RYR1: variants seen among roughly 807,000 people sequenced by gnomAD.
RYR1 encodes the protein ryanodine receptor 1, also known as central core disease of muscle.
RYR1 carries 342 observed loss-of-function variants against 583.5 expected under a neutral mutation model. The ratio of observed to expected loss-of-function variants is 0.59; its 90% CI spans 0.54 to 0.64. The LOEUF (loss-of-function observed/expected upper bound fraction) is 0.64. Ranked by LOEUF, RYR1 falls within the 30% of genes least tolerant of loss-of-function variation. The pLI is 0.00. For synonymous variants in RYR1, 2,791 were observed against 2,822.5 expected, an observed-to-expected ratio of 0.99 and a Z score of 0.35; for missense variants, 6,032 against 6,917.2, an observed-to-expected ratio of 0.87 and a Z score of 4.54.
At chr19:38,573,399 G>C in intron 96 of RYR1, 92 bp downstream of exon 96, 1 of 1,507,364 alleles carries the variant, frequency 6.6e-7, no homozygotes, top group South Asian at 1.2e-5. Flanking sequence ...CTAGGGTTTC[G>C]GTCCGGGCAC....
rs3829976 is a variant in RYR1, at chr19:38,505,179, C to G, written c.8310+98C>G. ...AGGCCCCAGATCTCCCTGAGACCCCCCAGCCTTCCCTAAGACCCTTAGCTT... is the reference window on the plus strand; with the variant it reads ...AGGCCCCAGATCTCCCTGAGACCCCGCAGCCTTCCCTAAGACCCTTAGCTT... On this transcript the variant is annotated intron_variant, in intron 52 of 105. Coordinates refer to ENST00000359596, the MANE Select transcript of RYR1 (RefSeq NM_000540.3). 24,255 of 1,241,828 alleles carry G rather than the reference C, an allele frequency of 0.02. 458 individuals are homozygous for G. Among genetic ancestry groups the G allele is most frequent in the Admixed American group, 0.076 (4,160 of 55,084 alleles). The allele number at this position is 1,241,828 out of a possible 1,614,324, so 76.9% of individuals were successfully genotyped here.
At chr19:38,467,176 C>T (rs1214484944) in intron 24 of RYR1, among the ~76,000 whole-genome samples, 1 of 152,148 alleles carries the variant, frequency 6.6e-6, no homozygotes, top group Non-Finnish European at 1.5e-5. Context: ...AAACCCTGGC[C>T]ATGGTCCCCA....
chr19:38,437,369 G>C (rs1365365626), intron 1 of RYR1, among the ~76,000 whole-genome samples: 1 of 152,022 alleles, frequency 6.6e-6, no homozygotes, highest in Admixed American at 6.6e-5. Flanking sequence ...TTCTAATTCA[G>C]GAAAAGTTTG....
chr19:38,465,807 G>A (rs1309551572), intron 23 of RYR1, among the ~76,000 whole-genome samples: 1 of 152,250 alleles, frequency 6.6e-6, no homozygotes, highest in East Asian at 1.9e-4. Flanking sequence ...AGTTAGTGGT[G>A]AGAGGTCTGA....
At chr19:38,528,509 C>T (rs1971581914) in intron 74 of RYR1, 90 bp from the exon 75 acceptor site, 1 of 1,591,018 alleles carries the variant, frequency 6.3e-7, no homozygotes. Flanking sequence ...GTGATGGGGC[C>T]TTGAGGGTGG....
chr19:38,437,855 G>C (rs1396106772), intron 1 of RYR1, among the ~76,000 whole-genome samples: 1 of 151,578 alleles, frequency 6.6e-6, no homozygotes, highest in Admixed American at 6.6e-5. Flanking sequence ...GGGTGTGGTG[G>C]CATGAGCCTG....
At chr19:38,542,389 C>G (rs1388056556) in intron 84 of RYR1, among the ~76,000 whole-genome samples, 1 of 152,130 alleles carries the variant, frequency 6.6e-6, no homozygotes, top group East Asian at 1.9e-4. Context: ...GGAACTGAAT[C>G]TCTATTTCTC....
Position 38,466,223 on chromosome 19 carries a change from C to T in RYR1, c.3003C>T (p.Gly1001=). 6.2e-7 allele frequency: 1 copy of T among 1,613,424 alleles called. No individual in the cohort carries two copies. Among genetic ancestry groups the T allele is most frequent in the Non-Finnish European group, 8.5e-7 (1 of 1,179,952 alleles). The change falls in exon 24 of 106, where the codon GGC becomes GGT. Residue 1001 remains glycine, a synonymous_variant. Coordinates refer to ENST00000359596, the MANE Select transcript of RYR1 (RefSeq NM_000540.3). ...ACGTGTGGGCCCGAGACCGCGTGGG[C>T]CAGGGCTGGAGCTACAGCGCAGTGC... is the stretch of plus-strand genomic sequence containing the variant. ...GHNVWARDRV[G]QGWSYSAVQD...
chr19:38,585,640 A>T (rs947692701), intron 102 of RYR1, among the ~76,000 whole-genome samples: 1 of 151,012 alleles, frequency 6.6e-6, no homozygotes, highest in Admixed American at 6.6e-5. Context: ...CACCCAGCTA[A>T]TTTTTTTTAT....
At chr19:38,535,720 C>G in intron 81 of RYR1, 1 of 591,928 alleles carries the variant, frequency 1.7e-6, no homozygotes, top group Non-Finnish European at 3.0e-6. Flanking sequence ...TGCCTTTATT[C>G]ACCTCTTGCT....
Position 38,483,493 on chromosome 19 carries a change from G to C in RYR1, c.4911G>C (p.Ala1637=). Residue 1637 remains alanine (A), a synonymous_variant, in exon 33 of 106, where the codon GCG becomes GCC. Transcript: ENST00000359596. The surrounding 1 kb of genome is among the most constrained non-coding windows in gnomAD (Gnocchi z 6.3). ...GCCAGGAGCCGCTGACCATGATGGC[G>C]CTGCACATCCCCGAGGAGAACCGGT... The part of the protein sequence containing the change: ...VQCQEPLTMM[A]LHIPEENRCM... 1.3e-6 allele frequency: 2 copies of C among 1,555,224 alleles called. No individual in the cohort carries two copies. The highest frequency in any genetic ancestry group is 8.7e-7 in the Non-Finnish European group (1 of 1,153,924).
intron 20 of RYR1, among the ~76,000 whole-genome samples, chr19:38,463,151 C>CCCCCCCCCCCCCGCCCCCCCCCCCCG (rs1555772086): frequency 1.4e-5 from 1 of 69,782 alleles, no homozygotes; most frequent in African/African-American, 5.2e-5. Context: ...GCCCCCCCCC[C>CCCCCCCCCCCCCGCCCCCCCCCCCCG]CCCCACTTAG....
At chr19:38,443,910 G>T in intron 5 of RYR1, 114 bp downstream of exon 5, 1 of 1,002,940 alleles carries the variant, frequency 1.0e-6, no homozygotes, top group Non-Finnish European at 1.6e-6. Flanking sequence ...GACATGAATG[G>T]GGGCTTCGTA....
chr19:38,506,982 C>CT, intron 57 of RYR1, 30 bp downstream of exon 57: 3 of 1,611,958 alleles, frequency 1.9e-6, no homozygotes, highest in Non-Finnish European at 2.5e-6. Context: ...CGCGGAAGAG[C>CT]AGCAGGCAGA....
chr19:38,467,587 ACT>A, intron 24 of RYR1, 21 bp from the exon 25 acceptor site: 1 of 1,613,458 alleles, frequency 6.2e-7, no homozygotes, highest in African/African-American at 1.3e-5. Context: ...AGCCTCTCTG[ACT>A]CTGCCTGGCC....
chr19:38,565,542 C>T lies in RYR1; in HGVS notation c.13208C>T (p.Ala4403Val). The change falls in exon 91 of 106, where the codon GCA becomes GTA. Residue 4403 changes from alanine to valine, a missense_variant. Coordinates refer to ENST00000359596, the MANE Select transcript of RYR1 (RefSeq NM_000540.3). The surrounding 1 kb of genome is among the most constrained non-coding windows in gnomAD (Gnocchi z 4.7). ...GEQPAGPGGD[A>V]DGEGASEGAG... ...CAGCCGGCCGGGCCGGGCGGAGACG[C>T]AGACGGCGAGGGTGCCAGCGAGGGC... is the stretch of plus-strand genomic sequence containing the variant. 1.3e-6 allele frequency: 2 copies of T among 1,500,066 alleles called. No individual in the cohort carries two copies. The highest frequency in any genetic ancestry group is 1.8e-6 in the Non-Finnish European group (2 of 1,131,900). The allele number at this position is 1,500,066 out of a possible 1,614,324, so 92.9% of individuals were successfully genotyped here.
intron 94 of RYR1, among the ~76,000 whole-genome samples, chr19:38,571,709 T>TAATTTACTAAAA (rs1157837362): frequency 4.6e-5 from 7 of 152,306 alleles, no homozygotes; most frequent in African/African-American, 1.7e-4. Context: ...TAAAAAGCAC[T>TAATTTACTAAAA]GTGTAAATGT....
At position 38,440,979 on chromosome 19, in the gene RYR1, G is replaced by C; in HGVS notation, c.165+115G>C. 4 of 1,184,342 alleles carry C rather than the reference G, an allele frequency of 3.4e-6. No homozygotes were observed. In the South Asian group the frequency reaches 6.2e-5, roughly 18 times the overall value. The allele number at this position is 1,184,342 out of a possible 1,614,324, so 73.4% of individuals were successfully genotyped here. On this transcript the variant is annotated intron_variant, in intron 2 of 105. Transcript: ENST00000359596. ...AAAGGAGGTGCTGACAGGAGAGAAAGTGAGGAGGGGGGCTAAGGCTAAGAG... is the reference window on the plus strand; with the variant it reads ...AAAGGAGGTGCTGACAGGAGAGAAACTGAGGAGGGGGGCTAAGGCTAAGAG...
rs1459531115 is a variant in RYR1 at position 38,483,647 on chromosome 19, C to G, written c.4934+131C>G. On this transcript the variant is annotated intron_variant, in intron 33 of 105. Coordinates refer to ENST00000359596, the MANE Select transcript of RYR1 (RefSeq NM_000540.3). This position sits in a 1 kb window ranked among gnomAD's most constrained non-coding sequence, Gnocchi z 6.3. Reference sequence around the variant, plus strand: ...ACACCCCAGGAATCTCCAGACCTACCTCAGGGGACTCGGGCTCAGCTCAGA... The same window carrying G: ...ACACCCCAGGAATCTCCAGACCTACGTCAGGGGACTCGGGCTCAGCTCAGA... The G allele has an allele frequency of 1.3e-6, 1 of 787,046 alleles. No individual in the cohort carries two copies. The highest frequency in any genetic ancestry group is 2.3e-5 in the Admixed American group (1 of 44,102). 48.8% of individuals were successfully genotyped at this position (787,046 alleles called of 1,614,324 possible).
Sources: allele counts gnomAD v4.1 joint callset (sites outside exome capture counted in the v4.1 genomes callset), GRCh38; gene constraint gnomAD v4.1.1; non-coding constraint Gnocchi (gnomAD v3.1); transcripts MANE v1.5; gene names NCBI Gene and HGNC (gene_info 2026-07-23, HGNC 2026-07-21).